SAMMSON: variants seen among roughly 807,000 people sequenced by gnomAD.
The protein encoded by SAMMSON is survival associated mitochondrial melanoma specific oncogenic non-coding RNA, also known as long intergenic non-protein coding RNA 1212.
chr3:70,092,922 T>C (rs1156779689), intron 4 of SAMMSON, among the ~76,000 whole-genome samples: 1 of 151,666 alleles, frequency 6.6e-6, no homozygotes, highest in African/African-American at 2.4e-5. Context: ...TTTTGTTTTT[T>C]TTTTCCACCA....
intron 4 of SAMMSON, among the ~76,000 whole-genome samples, chr3:70,187,594 T>C (rs370618315): frequency 0.012 from 1,747 of 151,726 alleles, 16 homozygotes; most frequent in Middle Eastern, 0.041. Flanking sequence ...CACGCCACCA[T>C]GCCCGGCTAA....
intron 2 of SAMMSON, among the ~76,000 whole-genome samples, chr3:70,398,520 A>G (rs1701111345): frequency 1.3e-5 from 2 of 152,210 alleles, no homozygotes; most frequent in Non-Finnish European, 2.9e-5. Context: ...TGAACAGCAC[A>G]CATCTTTGTG....
chr3:70,049,661 CCAT>C (rs1024693451), intron 3 of SAMMSON, among the ~76,000 whole-genome samples: 1 of 151,972 alleles, frequency 6.6e-6, no homozygotes, highest in Non-Finnish European at 1.5e-5. Flanking sequence ...ATCATCATCA[CCAT>C]CATCATCATC....
At chr3:70,408,150 C>G (rs1365815811) in intron 2 of SAMMSON, among the ~76,000 whole-genome samples, 1 of 152,288 alleles carries the variant, frequency 6.6e-6, no homozygotes, top group East Asian at 1.9e-4. Context: ...GCACAGGGAC[C>G]CTGGGCCCTG....
intron 2 of SAMMSON, among the ~76,000 whole-genome samples, chr3:70,399,412 T>C (rs556067786): frequency 1.3e-5 from 2 of 152,202 alleles, no homozygotes; most frequent in Non-Finnish European, 2.9e-5. Flanking sequence ...CCTGATACAA[T>C]GCCAGTGGAC....
intron 6 of SAMMSON, among the ~76,000 whole-genome samples, chr3:70,280,235 C>T (rs1028684069): frequency 6.6e-6 from 1 of 152,106 alleles, no homozygotes; most frequent in Non-Finnish European, 1.5e-5. Flanking sequence ...TCCTCCTCTC[C>T]CTTAAAAAGA....
intron 2 of SAMMSON, among the ~76,000 whole-genome samples, chr3:70,418,975 TTCCTTCTCTCTC>T (rs1559585548): frequency 6.8e-5 from 5 of 73,064 alleles, no homozygotes; most frequent in East Asian, 6.3e-4. Flanking sequence ...CTTTCCTTCC[TTCCTTCTCTCTC>T]TCTCTCTCTC....
intron 2 of SAMMSON, among the ~76,000 whole-genome samples, chr3:70,433,615 T>A (rs1393697547): frequency 6.6e-6 from 1 of 152,160 alleles, no homozygotes; most frequent in Non-Finnish European, 1.5e-5. Flanking sequence ...TGTCCTTTCA[T>A]TCTAATAGCT....
chr3:70,059,797 G>A (rs1157918397), intron 3 of SAMMSON, among the ~76,000 whole-genome samples: 2 of 152,130 alleles, frequency 1.3e-5, no homozygotes, highest in Middle Eastern at 3.4e-3. Flanking sequence ...AGTTAAATTG[G>A]CTATGGGGGA....
chr3:70,211,244 C>T (rs1162554012), intron 4 of SAMMSON, among the ~76,000 whole-genome samples: 3 of 150,022 alleles, frequency 2.0e-5, no homozygotes, highest in African/African-American at 7.4e-5. Flanking sequence ...TTTTCCTTTT[C>T]CTTCCTTTCT....
At chr3:70,331,181 T>C (rs890991161) in intron 7 of SAMMSON, among the ~76,000 whole-genome samples, 1 of 152,198 alleles carries the variant, frequency 6.6e-6, no homozygotes, top group African/African-American at 2.4e-5. Context: ...CAGAAATCTC[T>C]TCTGTAACAT....
intron 7 of SAMMSON, among the ~76,000 whole-genome samples, chr3:70,343,568 C>T (rs1422038982): frequency 6.6e-6 from 1 of 152,138 alleles, no homozygotes; most frequent in Non-Finnish European, 1.5e-5. Flanking sequence ...ATTCTTCTCA[C>T]ATTATATCAA....
At chr3:70,291,233 A>C (rs1702236412) in exon 7 of SAMMSON, 1 of 152,160 alleles carries the variant, frequency 6.6e-6, no homozygotes, top group African/African-American at 2.4e-5. Context: ...CCTACCAGCT[A>C]TTGACCTCAG....
At chr3:70,133,070 C>A (rs906110998) in intron 4 of SAMMSON, among the ~76,000 whole-genome samples, 4 of 152,144 alleles carry the variant, frequency 2.6e-5, no homozygotes, top group African/African-American at 9.7e-5. Flanking sequence ...CATTTTCTAG[C>A]ACGCAGCTTC....
intron 7 of SAMMSON, among the ~76,000 whole-genome samples, chr3:70,313,390 A>G (rs1192187496): frequency 1.3e-5 from 2 of 151,984 alleles, no homozygotes; most frequent in African/African-American, 4.8e-5. Context: ...AGGTGGGAGA[A>G]TCCCTTGAGC....
At chr3:70,332,175 A>C (rs1702625746) in intron 7 of SAMMSON, among the ~76,000 whole-genome samples, 1 of 152,234 alleles carries the variant, frequency 6.6e-6, no homozygotes, top group Non-Finnish European at 1.5e-5. Flanking sequence ...TAACTCAAAC[A>C]CACAGCATTC....
chr3:70,297,160 C>A (rs1329608439), intron 7 of SAMMSON, among the ~76,000 whole-genome samples: 3 of 152,082 alleles, frequency 2.0e-5, no homozygotes, highest in African/African-American at 7.2e-5. Flanking sequence ...GCACAGTACA[C>A]TGCTTGTCAA....
At chr3:70,012,008 G>A (rs555046658) in intron 1 of SAMMSON, among the ~76,000 whole-genome samples, 1 of 152,210 alleles carries the variant, frequency 6.6e-6, no homozygotes, top group East Asian at 1.9e-4. Context: ...TAGGCCAGAA[G>A]AGAAAGGGAT....
At chr3:70,160,867 G>A (rs1365295877) in intron 4 of SAMMSON, among the ~76,000 whole-genome samples, 1 of 151,990 alleles carries the variant, frequency 6.6e-6, no homozygotes, top group Non-Finnish European at 1.5e-5. Context: ...TCTCAGCAAT[G>A]TTTTATAATT....
Sources: gnomAD v4.1 joint callset for allele counts (sites outside exome capture counted in the v4.1 genomes callset) on GRCh38, gnomAD v4.1.1 for gene constraint, MANE v1.5 for transcripts, NCBI Gene and HGNC (gene_info 2026-07-23, HGNC 2026-07-21) for gene names.